SHISA6: variants seen among roughly 807,000 people sequenced by gnomAD.
SHISA6 encodes protein shisa-6.
Under a neutral mutation model 47.9 loss-of-function variants are expected in SHISA6, and 22 were observed. The ratio of observed to expected loss-of-function variants is 0.46; its 90% CI spans 0.33 to 0.66. The LOEUF (loss-of-function observed/expected upper bound fraction) is 0.66, where lower values mean the gene tolerates loss of function less well. Ranked by LOEUF, SHISA6 falls within the 30% of genes least tolerant of loss-of-function variation. The probability of loss-of-function intolerance (pLI) is 0.02; values close to 1 mark genes in which losing one functional copy is unlikely to be tolerated. For missense variants in SHISA6, 680 were observed against 764.6 expected, an observed-to-expected ratio of 0.89 and a Z score of 1.30; for synonymous variants, 388 against 337.8, an observed-to-expected ratio of 1.15 and a Z score of -1.63.
At chr17:11,467,261 A>G (rs1341480845) in intron 3 of SHISA6, among the ~76,000 whole-genome samples, 1 of 152,140 alleles carries the variant, frequency 6.6e-6, no homozygotes, top group Non-Finnish European at 1.5e-5. Context: ...CAGGGTTATA[A>G]TGATGAACAA....
chr17:11,461,936 A>G (rs1915701502), intron 3 of SHISA6, among the ~76,000 whole-genome samples: 1 of 152,230 alleles, frequency 6.6e-6, no homozygotes, highest in Non-Finnish European at 1.5e-5. Context: ...AAGAATACAG[A>G]AAATTTAAAA....
intron 5 of SHISA6, among the ~76,000 whole-genome samples, chr17:11,557,310 A>G (rs1252092381): frequency 6.6e-6 from 1 of 152,236 alleles, no homozygotes; most frequent in African/African-American, 2.4e-5. Context: ...TAAGACAGAT[A>G]GTCATTCTGT....
At chr17:11,552,247 C>T (rs1290860690) in intron 4 of SHISA6, among the ~76,000 whole-genome samples, 1 of 152,188 alleles carries the variant, frequency 6.6e-6, no homozygotes, top group East Asian at 1.9e-4. Flanking sequence ...TCATAAATTC[C>T]ATATGTCCAC....
At chr17:11,492,288 T>C (rs180942142) in intron 3 of SHISA6, among the ~76,000 whole-genome samples, 55 of 152,194 alleles carry the variant, frequency 3.6e-4, no homozygotes, top group African/African-American at 1.3e-3. Context: ...CTAGGCTCAA[T>C]AGCATCAGTA....
chr17:11,308,641 G>A (rs183533985), intron 2 of SHISA6, among the ~76,000 whole-genome samples: 3 of 152,296 alleles, frequency 2.0e-5, no homozygotes, highest in Admixed American at 1.3e-4. Context: ...AGTTTGTCCA[G>A]CATGATTTGT....
chr17:11,340,737 C>T (rs1456445348), intron 2 of SHISA6, among the ~76,000 whole-genome samples: 2 of 152,316 alleles, frequency 1.3e-5, no homozygotes, highest in East Asian at 3.9e-4. Flanking sequence ...AGATGACTCC[C>T]CAATTACAGG....
At chr17:11,470,261 C>T (rs1311587378) in intron 3 of SHISA6, among the ~76,000 whole-genome samples, 1 of 152,200 alleles carries the variant, frequency 6.6e-6, no homozygotes, top group Non-Finnish European at 1.5e-5. Context: ...TAGAGCAAAG[C>T]CTCTACTGCC....
chr17:11,560,939 G>GAGGGAGGGAGGGA lies in SHISA6; in HGVS notation c.*2638_*2639insGAGGGAGGGAAGG, dbSNP rs2072037456. The stretch of plus-strand genomic sequence containing the variant: ...GAGGGAGAGAGGGAGGGAGGGAGGG[G>GAGGGAGGGAGGGA]AGGAGGGAAGAAAAAAGAAGTAGAG... On this transcript the variant is annotated 3_prime_UTR_variant, in exon 6 of 6. Transcript: ENST00000441885. 1.3e-5 allele frequency: 2 copies of GAGGGAGGGAGGGA among 150,744 alleles called. No individual in the cohort carries two copies. The highest frequency in any genetic ancestry group is 6.6e-5 in the Admixed American group (1 of 15,158). 9.3% of individuals were successfully genotyped at this position (150,744 alleles called of 1,614,324 possible). A position where few individuals can be genotyped will look rare whatever the true frequency, so the allele number is the denominator to read the frequency against.
chr17:11,497,149 C>T (rs1300087934), intron 3 of SHISA6, among the ~76,000 whole-genome samples: 1 of 152,136 alleles, frequency 6.6e-6, no homozygotes, highest in Non-Finnish European at 1.5e-5. Context: ...AAGCCTTGAC[C>T]TGGGGAAAGG....
chr17:11,390,287 A>G (rs1373317763), intron 3 of SHISA6, among the ~76,000 whole-genome samples: 1 of 152,164 alleles, frequency 6.6e-6, no homozygotes, highest in Non-Finnish European at 1.5e-5. Context: ...TTTGACATTC[A>G]TCTATATAAT....
At chr17:11,463,999 C>T (rs1028097554) in intron 3 of SHISA6, among the ~76,000 whole-genome samples, 2 of 152,166 alleles carry the variant, frequency 1.3e-5, no homozygotes, top group African/African-American at 2.4e-5. Context: ...TCACTGCAGC[C>T]TCAGCCTCCT....
chr17:11,308,432 C>T (rs369785809), intron 2 of SHISA6, among the ~76,000 whole-genome samples: 1 of 152,064 alleles, frequency 6.6e-6, no homozygotes, highest in African/African-American at 2.4e-5. Context: ...ATGGCAGGAG[C>T]GTGGTTTTCT....
intron 3 of SHISA6, among the ~76,000 whole-genome samples, chr17:11,502,503 G>A (rs2142348273): frequency 1.3e-5 from 2 of 151,744 alleles, no homozygotes; most frequent in Middle Eastern, 3.4e-3. Flanking sequence ...CGAGACAGGT[G>A]GATCACTTAG....
chr17:11,249,969 T>G (rs1329753084), intron 1 of SHISA6, among the ~76,000 whole-genome samples: 1 of 152,210 alleles, frequency 6.6e-6, no homozygotes, highest in African/African-American at 2.4e-5. Context: ...AAGAGGACAC[T>G]CCTCATGAGG....
chr17:11,533,123 A>G (rs984508097), intron 3 of SHISA6, among the ~76,000 whole-genome samples: 3 of 152,096 alleles, frequency 2.0e-5, no homozygotes, highest in Non-Finnish European at 2.9e-5. Flanking sequence ...AAGAAATGGA[A>G]TCAAATCTTC....
At chr17:11,328,324 A>G (rs982416612) in intron 2 of SHISA6, among the ~76,000 whole-genome samples, 3 of 152,052 alleles carry the variant, frequency 2.0e-5, no homozygotes, top group African/African-American at 7.2e-5. Flanking sequence ...CTTTTCCCTA[A>G]TGGTTGCTTT....
intron 3 of SHISA6, among the ~76,000 whole-genome samples, chr17:11,401,505 A>G (rs965690564): frequency 2.6e-5 from 4 of 152,166 alleles, no homozygotes; most frequent in African/African-American, 9.7e-5. Flanking sequence ...AGACATGTAT[A>G]TATTTAACTC....
chr17:11,487,260 C>G (rs1289823948), intron 3 of SHISA6, among the ~76,000 whole-genome samples: 1 of 152,210 alleles, frequency 6.6e-6, no homozygotes, highest in Non-Finnish European at 1.5e-5. Flanking sequence ...GAATAAGTAT[C>G]CTAGGTGTTG....
At chr17:11,557,096 T>G (rs2071988571) in intron 5 of SHISA6, among the ~76,000 whole-genome samples, 1 of 152,188 alleles carries the variant, frequency 6.6e-6, no homozygotes, top group African/African-American at 2.4e-5. Context: ...AGGCTGATTA[T>G]GTGGCTGTGT....
Sources: allele counts gnomAD v4.1 joint callset (sites outside exome capture counted in the v4.1 genomes callset), GRCh38; gene constraint gnomAD v4.1.1; transcripts MANE v1.5; gene names NCBI Gene and HGNC (gene_info 2026-07-23, HGNC 2026-07-21).